GOLGA2: variants seen among roughly 807,000 people sequenced by gnomAD.
GOLGA2 encodes the protein golgin A2.
In GOLGA2, 49 loss-of-function variants were observed where a neutral mutation model predicts 148.8. The observed-to-expected ratio is 0.33, with a 90% CI of 0.26 to 0.42. GOLGA2 has a LOEUF of 0.42. Among genes scored for constraint, GOLGA2 ranks in the 10% least tolerant of loss-of-function variants. GOLGA2 has a pLI of 1.00. For synonymous variants in GOLGA2, 501 were observed against 511.8 expected, an observed-to-expected ratio of 0.98 and a Z score of 0.28; for missense variants, 1,178 against 1,304.6, an observed-to-expected ratio of 0.90 and a Z score of 1.49.
intron 12 of GOLGA2, 130 bp downstream of exon 12, chr9:128,265,455 C>T: frequency 1.3e-6 from 1 of 780,098 alleles, no homozygotes; most frequent in Non-Finnish European, 2.3e-6. Flanking sequence ...CAACCACACA[C>T]AAAAGCAGTG....
chr9:128,258,607 A>G lies in GOLGA2; in HGVS notation c.2174-37T>C. 1 of 1,497,986 alleles carries G rather than the reference A, an allele frequency of 6.7e-7. No individual in the cohort carries two copies. Among genetic ancestry groups the G allele is most frequent in the Non-Finnish European group, 9.1e-7 (1 of 1,103,962 alleles). The allele number at this position is 1,497,986 out of a possible 1,614,324, so 92.8% of individuals were successfully genotyped here. A position where few individuals can be genotyped will look rare whatever the true frequency, so the allele number is the denominator to read the frequency against. On this transcript the variant is annotated intron_variant, in intron 21 of 26. Transcript: ENST00000611957. This position sits in a 1 kb window ranked among gnomAD's most constrained non-coding sequence, Gnocchi z 6.6. ...GCCAGAGGGGTCATCAGACAACCCA[A>G]CAAGGGTACAGTGGGCCCACCTCTG...
In GOLGA2 at chr9:128,272,773, G is replaced by C. The variant is rs1260579697; in HGVS notation, c.288+12C>G. The C allele has an allele frequency of 8.6e-7, 1 of 1,166,054 alleles. No individual in the cohort carries two copies. The highest frequency in any genetic ancestry group is 1.3e-5 in the South Asian group (1 of 76,928). The allele number at this position is 1,166,054 out of a possible 1,614,324, so 72.2% of individuals were successfully genotyped here. On this transcript the variant is annotated intron_variant, in intron 3 of 26. Transcript: ENST00000611957. ...GAGAGCAAGCCAGAGAGGGGTCTCG[G>C]CACTGCCTCACCTTCCACTTGTCCA...
chr9:128,259,735 G>T (rs140875069), intron 19 of GOLGA2, among the ~76,000 whole-genome samples: 85 of 152,338 alleles, frequency 5.6e-4, no homozygotes, highest in African/African-American at 2.0e-3. Context: ...TTAAGTTAAA[G>T]AAACTGGGGC....
Position 128,263,034 on chromosome 9 carries a change from G to T in GOLGA2, c.992C>A (p.Thr331Asn). The change falls in exon 13 of 27, where the codon ACC (threonine) becomes AAC (asparagine). Residue 331 changes from threonine to asparagine, a missense_variant and splice_region_variant. Transcript: ENST00000611957. ...DALRLELYKN[T>N]QSNEDLKQEK... ...CCCATCCCACCATCCCCCATCCTAC[G>T]TGTTCTTGTATAACTCCAGCCTGAG... 1 of 1,597,726 alleles carries T rather than the reference G, an allele frequency of 6.3e-7. No homozygotes were observed. The highest frequency in any genetic ancestry group is 8.6e-7 in the Non-Finnish European group (1 of 1,166,620).
At chr9:128,272,163 C>A (rs1329832685) in intron 3 of GOLGA2, among the ~76,000 whole-genome samples, 2 of 150,902 alleles carry the variant, frequency 1.3e-5, no homozygotes, top group East Asian at 3.9e-4. Flanking sequence ...CTGAGAGTAC[C>A]CACACTGGGC....
chr9:128,268,830 G>T (rs770944161), intron 3 of GOLGA2, among the ~76,000 whole-genome samples: 1 of 152,224 alleles, frequency 6.6e-6, no homozygotes, highest in Admixed American at 6.5e-5. Context: ...CAGCAGGCAG[G>T]AGGAAGGTGT....
At position 128,259,398 on chromosome 9, in the gene GOLGA2, G is replaced by C; in HGVS notation, c.1873-7C>G. On this transcript the variant is annotated splice_polypyrimidine_tract_variant and splice_region_variant and intron_variant, in intron 19 of 26. Coordinates refer to ENST00000611957, the MANE Select transcript of GOLGA2 (RefSeq NM_001366244.2). ...CTTGGCTCTTCAGCTCCACCTGTAG[G>C]AAGACCCTGGGCGTGAGGGCAGGTG... The C allele has an allele frequency of 1.9e-6, 3 of 1,557,330 alleles. No homozygotes were observed. Among genetic ancestry groups the C allele is most frequent in the African/African-American group, 1.4e-5 (1 of 73,644 alleles).
chr9:128,256,846 A>AC lies in GOLGA2; in HGVS notation c.*220dup, dbSNP rs1829895036. ...TACCCATAACCTTTTTTATCCCATAACTTTTTTTAATCCCATAACTTTTAA... is the reference window on the plus strand; with the variant it reads ...TACCCATAACCTTTTTTATCCCATAACCTTTTTTTAATCCCATAACTTTTAA... On this transcript the variant is annotated 3_prime_UTR_variant, in exon 27 of 27. Transcript: ENST00000611957. 7.2e-6 allele frequency: 3 copies of AC among 414,888 alleles called. No homozygotes were observed. In the South Asian group the frequency reaches 1.3e-4, roughly 18 times the overall value. The allele number at this position is 414,888 out of a possible 1,614,324, so 25.7% of individuals were successfully genotyped here.
chr9:128,268,324 G>C, intron 4 of GOLGA2, 96 bp downstream of exon 4: 1 of 1,017,846 alleles, frequency 9.8e-7, no homozygotes, highest in Non-Finnish European at 1.6e-6. Context: ...CCCCAGGAAG[G>C]GCCCTTGACC....
rs1412544959 is a variant in GOLGA2, at chr9:128,271,820, T to G, written c.288+965A>C. ...TTCATCTATTTTATCCACTGTTTAT[T>G]TATCAAAGTGCCTTTGTTGTCAAGA... is the stretch of plus-strand genomic sequence containing the variant. On this transcript the variant is annotated intron_variant, in intron 3 of 26. Coordinates refer to ENST00000611957, the MANE Select transcript of GOLGA2 (RefSeq NM_001366244.2). This position sits in a 1 kb window ranked among gnomAD's most constrained non-coding sequence, Gnocchi z 4.4. Among the ~76,000 whole-genome samples the G allele has an allele frequency of 6.6e-6, 1 of 152,186 alleles. No individual in the cohort carries two copies.
intron 3 of GOLGA2, among the ~76,000 whole-genome samples, chr9:128,269,219 G>C (rs1830782277): frequency 6.6e-6 from 1 of 151,964 alleles, no homozygotes. Context: ...AAAATGTTGA[G>C]ATTACAGGTG....
chr9:128,273,152 T>C (rs1831063522), intron 2 of GOLGA2, among the ~76,000 whole-genome samples: 1 of 152,180 alleles, frequency 6.6e-6, no homozygotes, highest in Non-Finnish European at 1.5e-5. Context: ...CCCTTCTCCT[T>C]AGGCCCAGGA....
rs1830657221 is a variant in GOLGA2, at chr9:128,267,400, G to A, written c.561+58C>T. 8 of 1,498,754 alleles carry A rather than the reference G, an allele frequency of 5.3e-6. No homozygotes were observed. The South Asian group carries it at 9.0e-5, about 17-fold the overall frequency. 92.8% of individuals were successfully genotyped at this position (1,498,754 alleles called of 1,614,324 possible). On this transcript the variant is annotated intron_variant, in intron 7 of 26. Transcript: ENST00000611957. ...AGAGGGGCACCCAGCCCCCGCTGTGGGAGGAGGTTGGAGGGCTGGCCTGCA... is the reference window on the plus strand; with the variant it reads ...AGAGGGGCACCCAGCCCCCGCTGTGAGAGGAGGTTGGAGGGCTGGCCTGCA...
chr9:128,260,151 C>T lies in GOLGA2; in HGVS notation c.1797G>A (p.Ser599=), dbSNP rs373870855. 3.8e-5 allele frequency: 61 copies of T among 1,610,158 alleles called. No homozygotes were observed. The highest frequency in any genetic ancestry group is 1.7e-4 in the Middle Eastern group (1 of 5,890). ...ENMEITSALQ[S]EQHVKRELGK... The stretch of plus-strand genomic sequence containing the variant: ...CCAGCTCCCTCTTGACGTGCTGCTC[C>T]GACTGCAGTGCGCTGGTGATCTCCA... Residue 599 remains serine, a synonymous_variant, in exon 19 of 27, where the codon TCG becomes TCA. Transcript: ENST00000611957. This position sits in a 1 kb window ranked among gnomAD's most constrained non-coding sequence, Gnocchi z 4.8.
intron 14 of GOLGA2, chr9:128,262,009 A>G: frequency 4.3e-6 from 2 of 469,934 alleles, no homozygotes; most frequent in East Asian, 7.7e-5. Context: ...TTCAAGACCA[A>G]CCTCGGCAAC....
Position 128,263,558 on chromosome 9 carries a change from C to T in GOLGA2, c.934-466G>A, listed in dbSNP as rs1041225546. On this transcript the variant is annotated intron_variant, in intron 12 of 26. Transcript: ENST00000611957. ...TCAGCCTCCTAAGTAGCTGGGACTA[C>T]AGGCCCCCGCCACCACACCCGGCTA... Among the ~76,000 whole-genome samples the T allele has an allele frequency of 3.3e-5, 5 of 152,162 alleles. No individual in the cohort carries two copies. In the East Asian group the frequency reaches 9.8e-4, roughly 30 times the overall value.
In GOLGA2 at chr9:128,257,109, G is replaced by A. The variant is rs780270116; in HGVS notation, c.3048C>T (p.Tyr1016=). 33 of 1,613,900 alleles carry A rather than the reference G, an allele frequency of 2.0e-5. No homozygotes were observed. Among genetic ancestry groups the A allele is most frequent in the Admixed American group, 3.3e-5 (2 of 59,990 alleles). ...LGSNPCIPFF[Y]RADENDEVKI... is the part of the protein sequence containing the mutation. ...TCACCTCATCATTCTCGTCAGCCCG[G>A]TAAAAAAAAGGAATGCAGGGGTTGC... Residue 1016 remains tyrosine, a synonymous_variant, in exon 27 of 27, where the codon TAC becomes TAT. Coordinates refer to ENST00000611957, the MANE Select transcript of GOLGA2 (RefSeq NM_001366244.2). The surrounding 1 kb of genome is among the most constrained non-coding windows in gnomAD (Gnocchi z 8.0).
Position 128,260,507 on chromosome 9 carries a change from G to A in GOLGA2, c.1716C>T (p.Leu572=). 1 of 1,613,124 alleles carries A rather than the reference G, an allele frequency of 6.2e-7. No individual in the cohort carries two copies. Among genetic ancestry groups the A allele is most frequent in the African/African-American group, 1.3e-5 (1 of 75,054 alleles). Residue 572 remains leucine, a synonymous_variant, in exon 18 of 27, where the codon CTC becomes CTT. Transcript: ENST00000611957. This position sits in a 1 kb window ranked among gnomAD's most constrained non-coding sequence, Gnocchi z 4.8. ...ISRALSQNRE[L]KEQLAELQSG... ...TCTGCAGCTCAGCCAGCTGCTCCTTGAGCTCCCGGTTCTGGGAGAGTGCGC... is the reference window on the plus strand; with the variant it reads ...TCTGCAGCTCAGCCAGCTGCTCCTTAAGCTCCCGGTTCTGGGAGAGTGCGC...
In GOLGA2 at chr9:128,260,834, G is replaced by T; in HGVS notation, c.1421-32C>A. The T allele has an allele frequency of 6.8e-7, 1 of 1,465,286 alleles. No homozygotes were observed. The highest frequency in any genetic ancestry group is 9.3e-7 in the Non-Finnish European group (1 of 1,076,920). The allele number at this position is 1,465,286 out of a possible 1,614,324, so 90.8% of individuals were successfully genotyped here. On this transcript the variant is annotated intron_variant, in intron 17 of 26. Coordinates refer to ENST00000611957, the MANE Select transcript of GOLGA2 (RefSeq NM_001366244.2). The surrounding 1 kb of genome is among the most constrained non-coding windows in gnomAD (Gnocchi z 4.8). Reference sequence around the variant, plus strand: ...AAGGACGCAGACAATAAAAGCCTCTGGATTCTCAAAAAAACCCTCCTCTTG... The same window carrying T: ...AAGGACGCAGACAATAAAAGCCTCTTGATTCTCAAAAAAACCCTCCTCTTG...
Sources: allele counts gnomAD v4.1 joint callset (sites outside exome capture counted in the v4.1 genomes callset), GRCh38; gene constraint gnomAD v4.1.1; non-coding constraint Gnocchi (gnomAD v3.1); transcripts MANE v1.5; gene names NCBI Gene and HGNC (gene_info 2026-07-23, HGNC 2026-07-21).